The following SMARCA2 variants were observed in gnomAD, a reference collection of about 807,000 sequenced individuals.
The protein encoded by SMARCA2 is SWI/SNF related BAF chromatin remodeling complex subunit ATPase 2.
In SMARCA2, 61 loss-of-function variants were observed where a neutral mutation model predicts 199.8. The observed-to-expected ratio is 0.31, with a 90% CI of 0.25 to 0.38. The LOEUF (loss-of-function observed/expected upper bound fraction) is 0.38, where lower values mean the gene tolerates loss of function less well. SMARCA2 is among the 10% of genes least tolerant of loss of function. SMARCA2 has a pLI of 1.00. For synonymous variants in SMARCA2, 935 were observed against 732.0 expected, an observed-to-expected ratio of 1.28 and a Z score of -4.48; for missense variants, 1,344 against 2,012.2, an observed-to-expected ratio of 0.67 and a Z score of 6.35.
rs765677153 is a variant in SMARCA2 at position 2,084,099 on chromosome 9, T to C, written c.2429T>C (p.Met810Thr). The change falls in exon 17 of 34, where the codon ATG becomes ACG. Residue 810 changes from methionine (M) to threonine (T), a missense_variant. Met to Thr is a moderately conservative substitution (Grantham distance 81). Transcript: ENST00000349721. Reference protein sequence around the residue: ...VKISYKGTPAMRRSLVPQLRS... With the variant: ...VKISYKGTPATRRSLVPQLRS... Reference sequence around the variant, plus strand: ...CTTTCCATTCAGGGTACTCCTGCCATGCGTCGCTCCCTTGTCCCCCAGCTA... The same window carrying C: ...CTTTCCATTCAGGGTACTCCTGCCACGCGTCGCTCCCTTGTCCCCCAGCTA... 3.1e-6 allele frequency: 5 copies of C among 1,606,596 alleles called. No individual in the cohort carries two copies. Among genetic ancestry groups the C allele is most frequent in the Non-Finnish European group, 4.3e-6 (5 of 1,173,330 alleles).
intron 21 of SMARCA2, among the ~76,000 whole-genome samples, chr9:2,099,697 G>C (rs1822425352): frequency 6.6e-6 from 1 of 152,162 alleles, no homozygotes; most frequent in Non-Finnish European, 1.5e-5. Context: ...AACAGAGATG[G>C]TGTGTGAATT....
At chr9:2,159,776 C>T (rs1253138847) in intron 27 of SMARCA2, 2 of 1,582,362 alleles carry the variant, frequency 1.3e-6, no homozygotes, top group Non-Finnish European at 1.7e-6. Context: ...TATATGAAAA[C>T]ACAGCCTTTC....
intron 10 of SMARCA2, 53 bp downstream of exon 10, chr9:2,070,524 T>TATGGCACAG: frequency 1.5e-6 from 2 of 1,344,104 alleles, no homozygotes; most frequent in Non-Finnish European, 2.1e-6. Context: ...GTCTGTGCCA[T>TATGGCACAG]ACCTGGCAGC....
At chr9:2,136,372 G>A (rs1824197755) in intron 27 of SMARCA2, among the ~76,000 whole-genome samples, 1 of 151,800 alleles carries the variant, frequency 6.6e-6, no homozygotes, top group Non-Finnish European at 1.5e-5. Context: ...ATTATTGGTA[G>A]AGACGGGGTT....
At chr9:2,042,278 T>C (rs1819640000) in intron 4 of SMARCA2, 1 of 152,204 alleles carries the variant, frequency 6.6e-6, no homozygotes, top group Non-Finnish European at 1.5e-5. Flanking sequence ...CATGAAAGGC[T>C]GATGGAGAGG....
chr9:2,032,920 G>T, intron 2 of SMARCA2, 32 bp from the exon 3 acceptor site: 1 of 1,602,714 alleles, frequency 6.2e-7, no homozygotes, highest in Admixed American at 1.7e-5. Flanking sequence ...ACCTTATAGA[G>T]GTGTCTAACT....
At chr9:2,122,417 G>A (rs1032551873) in intron 26 of SMARCA2, among the ~76,000 whole-genome samples, 1 of 152,074 alleles carries the variant, frequency 6.6e-6, no homozygotes, top group Admixed American at 6.6e-5. Context: ...GGCAACCTCT[G>A]TGTGCCAGTT....
chr9:2,057,728 T>A (rs1192683618), intron 7 of SMARCA2, among the ~76,000 whole-genome samples: 2 of 152,214 alleles, frequency 1.3e-5, no homozygotes, highest in Non-Finnish European at 2.9e-5. Flanking sequence ...TGTATTTGTT[T>A]TCCTGTGCTT....
At chr9:2,064,918 C>T (rs1820761376) in intron 9 of SMARCA2, among the ~76,000 whole-genome samples, 1 of 152,258 alleles carries the variant, frequency 6.6e-6, no homozygotes, top group Admixed American at 6.5e-5. Context: ...GGTGCGGCGG[C>T]TCACGCCTGT....
chr9:2,162,828 T>C (rs1305660666), intron 28 of SMARCA2: 1 of 152,186 alleles, frequency 6.6e-6, no homozygotes, highest in Non-Finnish European at 1.5e-5. Flanking sequence ...TGAAGCAAGC[T>C]CCTCTTCTAG....
chr9:2,144,675 C>T (rs757986610), intron 27 of SMARCA2, among the ~76,000 whole-genome samples: 1 of 152,070 alleles, frequency 6.6e-6, no homozygotes, highest in Non-Finnish European at 1.5e-5. Context: ...CAAAAGAGCC[C>T]CGTCTCCAGG....
intron 10 of SMARCA2, among the ~76,000 whole-genome samples, chr9:2,071,686 C>T (rs78301395): frequency 0.027 from 4,109 of 152,230 alleles, 146 homozygotes; most frequent in African/African-American, 0.08. Context: ...TCTCATTCAG[C>T]GCTTTTGCCA....
chr9:2,070,106 C>T (rs1821026422), intron 9 of SMARCA2, among the ~76,000 whole-genome samples: 1 of 152,216 alleles, frequency 6.6e-6, no homozygotes, highest in African/African-American at 2.4e-5. Flanking sequence ...ACGAGAAGAA[C>T]ATTTCAGATT....
chr9:2,102,747 C>A (rs1822578806), intron 22 of SMARCA2, among the ~76,000 whole-genome samples: 1 of 152,176 alleles, frequency 6.6e-6, no homozygotes, highest in South Asian at 2.1e-4. Context: ...CCAGTCCATT[C>A]TTACATGACG....
At chr9:2,100,869 T>G (rs1030404445) in intron 21 of SMARCA2, among the ~76,000 whole-genome samples, 15 of 151,534 alleles carry the variant, frequency 9.9e-5, no homozygotes, top group African/African-American at 3.4e-4. Context: ...GAAAAAGAGG[T>G]TTAATGGACT....
intron 32 of SMARCA2, among the ~76,000 whole-genome samples, chr9:2,189,665 G>A (rs1827743001): frequency 6.6e-6 from 1 of 151,802 alleles, no homozygotes; most frequent in African/African-American, 2.4e-5. Flanking sequence ...TCCACCCAAA[G>A]CAAAGGGCCC....
chr9:2,193,170 G>A lies in SMARCA2; in HGVS notation c.*431G>A, dbSNP rs17387924. On this transcript the variant is annotated 3_prime_UTR_variant, in exon 34 of 34. Transcript: ENST00000349721. The stretch of plus-strand genomic sequence containing the variant: ...TTTTATTTTTCATCAGGCAATTTTC[G>A]AGGTTTTTATTTGTTCGGTATTGTT... 3,161 of 159,670 alleles carry A rather than the reference G, an allele frequency of 0.02. 48 individuals carry two copies. Among genetic ancestry groups the A allele is most frequent in the Non-Finnish European group, 0.032 (2,357 of 72,948 alleles). The allele number at this position is 159,670 out of a possible 1,614,324, so 9.9% of individuals were successfully genotyped here.
chr9:2,041,006 T>C (rs1449829255), intron 4 of SMARCA2: 2 of 203,284 alleles, frequency 9.8e-6, no homozygotes, highest in East Asian at 1.0e-4. Context: ...CCATTTCCTC[T>C]GAGTGGTTTC....
chr9:2,092,879 A>T (rs565349268), intron 19 of SMARCA2, among the ~76,000 whole-genome samples: 54 of 152,318 alleles, frequency 3.5e-4, no homozygotes, highest in Non-Finnish European at 4.1e-4. Context: ...GCATGCTCTA[A>T]ACAGATGCCA....
Sources: allele counts gnomAD v4.1 joint callset (sites outside exome capture counted in the v4.1 genomes callset), GRCh38; gene constraint gnomAD v4.1.1; transcripts MANE v1.5; gene names NCBI Gene and HGNC (gene_info 2026-07-23, HGNC 2026-07-21).